The following NRAP variants were observed in gnomAD, a reference collection of about 807,000 sequenced individuals.
NRAP encodes nebulin related anchoring protein.
Under a neutral mutation model 225.9 loss-of-function variants are expected in NRAP, and 189 were observed. The observed-to-expected ratio is 0.84, with a 90% CI of 0.74 to 0.94. The LOEUF (loss-of-function observed/expected upper bound fraction) is 0.94, where lower values mean the gene tolerates loss of function less well. Ranked by LOEUF, NRAP falls within the 40% of genes least tolerant of loss-of-function variation. The pLI is 0.00. For missense variants in NRAP, 2,176 were observed against 2,168.7 expected, an observed-to-expected ratio of 1.00 and a Z score of -0.07; for synonymous variants, 769 against 790.7, an observed-to-expected ratio of 0.97 and a Z score of 0.46.
rs117930694 is a variant in NRAP at position 113,605,905 on chromosome 10, A to C, written c.3808-36T>G. ...AACACATGTAAATCTTTTTTAAAAA[A>C]TTACATGAATCAACGAGCAAAGGCC... On this transcript the variant is annotated intron_variant, in intron 33 of 41. Transcript: ENST00000359988. 527 of 1,474,788 alleles carry C rather than the reference A, an allele frequency of 3.6e-4. 3 individuals are homozygous for C. In the East Asian group the frequency reaches 0.011, roughly 30 times the overall value. 91.4% of individuals were successfully genotyped at this position (1,474,788 alleles called of 1,614,324 possible).
chr10:113,663,903 G>C lies in NRAP; in HGVS notation c.-21C>G. On this transcript the variant is annotated 5_prime_UTR_variant, in exon 1 of 42. Coordinates refer to ENST00000359988, the MANE Select transcript of NRAP (RefSeq NM_198060.4). The stretch of plus-strand genomic sequence containing the variant: ...TTCATCTCGAAGCCGGAAGAGAGAG[G>C]ACAAAGATAGGCAACAGGCAAGAAA... The C allele has an allele frequency of 6.3e-7, 1 of 1,596,346 alleles. No individual in the cohort carries two copies. The highest frequency in any genetic ancestry group is 8.6e-7 in the Non-Finnish European group (1 of 1,163,932).
At chr10:113,646,069 T>C in intron 10 of NRAP, 128 bp from the exon 11 acceptor site, 1 of 562,180 alleles carries the variant, frequency 1.8e-6, no homozygotes, top group South Asian at 2.8e-5. Flanking sequence ...GAAAAAAAAA[T>C]TCACATGGCC....
intron 3 of NRAP, 38 bp from the exon 4 acceptor site, chr10:113,657,612 G>T: frequency 8.3e-7 from 1 of 1,199,086 alleles, no homozygotes; most frequent in Non-Finnish European, 1.2e-6. Flanking sequence ...GTTTCCATCA[G>T]AAAAGAGAAA....
chr10:113,611,206 C>T (rs1847299533), intron 30 of NRAP, among the ~76,000 whole-genome samples: 2 of 152,242 alleles, frequency 1.3e-5, no homozygotes, highest in South Asian at 2.1e-4. Context: ...GACAAACGGG[C>T]CCCCGAGATG....
chr10:113,632,377 T>A lies in NRAP; in HGVS notation c.1633-413A>T, dbSNP rs184840828. Among the ~76,000 whole-genome samples, 160 of 152,390 alleles carry A rather than the reference T, an allele frequency of 1.0e-3. 1 individual carries two copies. The highest frequency in any genetic ancestry group is 1.5e-4 in the Non-Finnish European group (10 of 68,040). On this transcript the variant is annotated intron_variant, in intron 16 of 41. Transcript: ENST00000359988. ...ATAACATAAGTGTGGGGTATTGACA[T>A]TGCCCTGGCAATAACTACTGTTTAT...
At chr10:113,589,905 C>T in intron 40 of NRAP, 108 bp from the exon 41 acceptor site, 3 of 1,267,932 alleles carry the variant, frequency 2.4e-6, no homozygotes, top group Non-Finnish European at 3.3e-6. Flanking sequence ...ACTATGTTGT[C>T]TGTCATCAGT....
chr10:113,635,875 T>A (rs1268712169), intron 14 of NRAP, among the ~76,000 whole-genome samples: 1 of 152,230 alleles, frequency 6.6e-6, no homozygotes, highest in East Asian at 1.9e-4. Context: ...GAACAAACTG[T>A]CGTGGGGTTC....
chr10:113,650,503 T>A lies in NRAP; in HGVS notation c.718A>T (p.Ser240Cys). The change falls in exon 8 of 42, where the codon AGT becomes TGT. Residue 240 changes from serine to cysteine, a missense_variant. Physicochemically the swap from Ser to Cys is moderately radical, Grantham distance 112 (BLOSUM62 -1). Coordinates refer to ENST00000359988, the MANE Select transcript of NRAP (RefSeq NM_198060.4). Reference sequence around the variant, plus strand: ...GCGGGTGTGATCATCGCAGGGAAACTGCCTTTCCCTCTTTGTTGTTCATAG... The same window carrying A: ...GCGGGTGTGATCATCGCAGGGAAACAGCCTTTCCCTCTTTGTTGTTCATAG... The part of the protein sequence containing the change: ...EDYEQQRGKG[S>C]FPAMITPAYQ... 2.5e-6 allele frequency: 4 copies of A among 1,613,880 alleles called. No individual in the cohort carries two copies. The highest frequency in any genetic ancestry group is 3.4e-6 in the Non-Finnish European group (4 of 1,179,778).
intron 39 of NRAP, 92 bp from the exon 40 acceptor site, chr10:113,590,981 G>T: frequency 8.7e-7 from 1 of 1,144,160 alleles, no homozygotes; most frequent in Non-Finnish European, 1.3e-6. Context: ...ATTCTCAGCA[G>T]GAGGCTCAAG....
At position 113,612,296 on chromosome 10, in the gene NRAP, T is replaced by A. The variant is rs759132922; in HGVS notation, c.3436A>T (p.Thr1146Ser). ...AGCCTCAGGTCTTCTGCCAAGGAAG[T>A]GTACTGGGGCAGTGGATGTTTGTAG... is the stretch of plus-strand genomic sequence containing the variant. ...QDYKHPLPQY[T>S]SLAEDLRLSC... is the part of the protein sequence containing the mutation. The change falls in exon 30 of 42, where the codon ACT (threonine) becomes TCT (serine). Residue 1146 changes from threonine to serine, a missense_variant. Physicochemically the swap from Thr to Ser is moderately conservative, Grantham distance 58 (BLOSUM62 1). Around this residue, in one of 3 missense-constraint regions of NRAP, gnomAD observed 1,708 missense variants for 1,695.5 expected, o/e 1.01. Transcript: ENST00000359988. 6 of 1,614,158 alleles carry A rather than the reference T, an allele frequency of 3.7e-6. No homozygotes were observed. Among genetic ancestry groups the A allele is most frequent in the South Asian group, 3.3e-5 (3 of 91,082 alleles).
intron 4 of NRAP, among the ~76,000 whole-genome samples, chr10:113,655,878 G>T (rs956592654): frequency 6.6e-6 from 1 of 152,078 alleles, no homozygotes; most frequent in African/African-American, 2.4e-5. Flanking sequence ...AATGCATATT[G>T]TTTCATGAAA....
Position 113,631,601 on chromosome 10 carries a change from T to C in NRAP, c.1750A>G (p.Lys584Glu), listed in dbSNP as rs756506092. 18 of 1,603,756 alleles carry C rather than the reference T, an allele frequency of 1.1e-5. No homozygotes were observed. The highest frequency in any genetic ancestry group is 1.7e-4 in the Middle Eastern group (1 of 6,050). Residue 584 changes from lysine to glutamate, a missense_variant, in exon 18 of 42, where the codon AAA becomes GAA. Coordinates refer to ENST00000359988, the MANE Select transcript of NRAP (RefSeq NM_198060.4). ...CCTTTTGTCTTTTCATATTCTTCTT[T>C]ATATTTAATCTTGAGAGAAAGAAGA... ...SGELASNIKY[K>E]EEYEKTKGKA...
chr10:113,624,561 C>A (rs1373309322), intron 22 of NRAP, among the ~76,000 whole-genome samples: 5 of 152,192 alleles, frequency 3.3e-5, no homozygotes, highest in African/African-American at 1.2e-4. Context: ...TCAACTCTGG[C>A]ACCTAGAATA....
At chr10:113,652,382 G>A (rs556978521) in intron 6 of NRAP, among the ~76,000 whole-genome samples, 9 of 152,100 alleles carry the variant, frequency 5.9e-5, no homozygotes, top group African/African-American at 1.2e-4. Flanking sequence ...TGGCTCACCC[G>A]AGTAATCCCA....
At chr10:113,602,852 G>C (rs1846687348) in intron 35 of NRAP, among the ~76,000 whole-genome samples, 1 of 152,114 alleles carries the variant, frequency 6.6e-6, no homozygotes, top group Non-Finnish European at 1.5e-5. Flanking sequence ...TTCTCAACGG[G>C]GGATAACTTC....
chr10:113,612,524 G>C, intron 29 of NRAP, 93 bp from the exon 30 acceptor site: 1 of 1,018,152 alleles, frequency 9.8e-7, no homozygotes, highest in Non-Finnish European at 1.5e-6. Context: ...GTTGTCTGGA[G>C]GTAAGCCCAG....
At position 113,624,938 on chromosome 10, in the gene NRAP, G is replaced by T; in HGVS notation, c.2245-8C>A. ...TCCTGCCTTGTAGGCCACCTGTTGG[G>T]AAAGAGCACTGAGTCAGGAGCAGGT... On this transcript the variant is annotated splice_polypyrimidine_tract_variant and splice_region_variant and intron_variant, in intron 21 of 41. Transcript: ENST00000359988. The T allele has an allele frequency of 6.3e-7, 1 of 1,594,262 alleles. No individual in the cohort carries two copies. The highest frequency in any genetic ancestry group is 8.6e-7 in the Non-Finnish European group (1 of 1,162,026).
chr10:113,649,833 C>T (rs543579887), intron 9 of NRAP, among the ~76,000 whole-genome samples: 3 of 152,280 alleles, frequency 2.0e-5, no homozygotes, highest in South Asian at 4.2e-4. Flanking sequence ...AAAGAAAGTG[C>T]CTCAATCTGT....
intron 3 of NRAP, 52 bp downstream of exon 3, chr10:113,662,627 G>T: frequency 1.0e-6 from 1 of 966,340 alleles, no homozygotes; most frequent in Non-Finnish European, 1.7e-6. Flanking sequence ...TTTCTACCCA[G>T]TAACCAATCA....
Sources: gnomAD v4.1 joint callset for allele counts (sites outside exome capture counted in the v4.1 genomes callset) on GRCh38, gnomAD v4.1.1 for gene constraint, gnomAD v4.1.1 regional missense constraint, MANE v1.5 for transcripts, NCBI Gene and HGNC (gene_info 2026-07-23, HGNC 2026-07-21) for gene names.